The following FBN1 variants were observed in gnomAD, a reference collection of about 807,000 sequenced individuals.
The protein encoded by FBN1 is fibrillin 1, also known as fibrillin-1.
FBN1 carries 29 observed loss-of-function variants against 365.1 expected under a neutral mutation model. The observed-to-expected ratio is 0.08, with a 90% CI of 0.06 to 0.11. The LOEUF is 0.11. Among genes scored for constraint, FBN1 ranks in the 10% least tolerant of loss-of-function variants. The pLI is 1.00. For synonymous variants in FBN1, 1,210 were observed against 1,270.5 expected (o/e 0.95, Z 1.01); for missense variants, 2,476 against 3,703.2 (o/e 0.67, Z 8.60).
chr15:48,540,816 CT>C (rs1787248753), intron 6 of FBN1, among the ~76,000 whole-genome samples: 1 of 152,146 alleles, frequency 6.6e-6, no homozygotes, highest in Non-Finnish European at 1.5e-5. Context: ...TTCAGGTTAG[CT>C]TGCCATATTC....
intron 32 of FBN1, among the ~76,000 whole-genome samples, chr15:48,477,033 T>C (rs558158872): frequency 1.8e-4 from 27 of 152,266 alleles, no homozygotes; most frequent in Middle Eastern, 6.8e-3. Flanking sequence ...CTCACTAATA[T>C]CTTCTACTAA....
chr15:48,510,779 G>C (rs1159157813), intron 13 of FBN1, among the ~76,000 whole-genome samples: 1 of 151,554 alleles, frequency 6.6e-6, no homozygotes, highest in Non-Finnish European at 1.5e-5. Flanking sequence ...TTTTTCTATT[G>C]TGGTTAATAT....
intron 19 of FBN1, among the ~76,000 whole-genome samples, chr15:48,496,956 G>C (rs750762669): frequency 6.6e-5 from 10 of 152,174 alleles, no homozygotes; most frequent in Non-Finnish European, 1.3e-4. Context: ...AGTCACATGA[G>C]AATGGCTCAG....
At chr15:48,502,428 C>T (rs1305068611) in intron 17 of FBN1, among the ~76,000 whole-genome samples, 1 of 152,136 alleles carries the variant, frequency 6.6e-6, no homozygotes, top group Non-Finnish European at 1.5e-5. Context: ...CTTTCAAATA[C>T]TATCATTTTT....
intron 64 of FBN1, 92 bp downstream of exon 64, chr15:48,415,444 C>T: frequency 1.0e-6 from 1 of 990,366 alleles, no homozygotes; most frequent in Non-Finnish European, 1.6e-6. Context: ...CATGGTTCTC[C>T]TCTGCTAGGA....
intron 49 of FBN1, 149 bp downstream of exon 49, chr15:48,444,392 A>G: frequency 1.1e-6 from 1 of 905,062 alleles, no homozygotes; most frequent in Non-Finnish European, 1.8e-6. Context: ...TTGTCTTGCC[A>G]GAAGGATGAG....
intron 10 of FBN1, among the ~76,000 whole-genome samples, chr15:48,517,889 G>C (rs547838025): frequency 3.9e-5 from 6 of 152,204 alleles, no homozygotes; most frequent in African/African-American, 1.4e-4. Flanking sequence ...CTTATTTTCA[G>C]ACAGTAATAG....
At chr15:48,610,431 T>C (rs2044647599) in intron 4 of FBN1, among the ~76,000 whole-genome samples, 1 of 152,218 alleles carries the variant, frequency 6.6e-6, no homozygotes, top group Non-Finnish European at 1.5e-5. Context: ...GCACCTTTTA[T>C]GGTGTTTACA....
At chr15:48,613,587 G>A (rs2044673535) in intron 2 of FBN1, among the ~76,000 whole-genome samples, 1 of 151,988 alleles carries the variant, frequency 6.6e-6, no homozygotes, top group South Asian at 2.1e-4. Context: ...TCTGACATGA[G>A]TCAGAAAAAA....
chr15:48,537,211 C>T (rs73394232), intron 7 of FBN1, among the ~76,000 whole-genome samples: 2,201 of 152,224 alleles, frequency 0.014, 59 homozygotes, highest in African/African-American at 0.051. Context: ...CAATTAAGCA[C>T]AACCCATGAG....
At chr15:48,449,960 A>G (rs2043188133) in intron 45 of FBN1, among the ~76,000 whole-genome samples, 1 of 152,226 alleles carries the variant, frequency 6.6e-6, no homozygotes, top group Non-Finnish European at 1.5e-5. Context: ...TGTTATGGTT[A>G]TCTCCTATTT....
chr15:48,597,040 CT>C (rs1255219050), intron 5 of FBN1, among the ~76,000 whole-genome samples: 1 of 152,186 alleles, frequency 6.6e-6, no homozygotes, highest in Non-Finnish European at 1.5e-5. Context: ...TGCATGGGCT[CT>C]TTCTAGGCAT....
At chr15:48,633,845 C>G (rs564176262) in intron 2 of FBN1, among the ~76,000 whole-genome samples, 1 of 152,306 alleles carries the variant, frequency 6.6e-6, no homozygotes, top group African/African-American at 2.4e-5. Flanking sequence ...AACAACGCGC[C>G]TCTTAGGTCA....
intron 13 of FBN1, 35 bp downstream of exon 13, chr15:48,513,514 T>C (rs754203426): frequency 1.9e-6 from 3 of 1,613,710 alleles, no homozygotes; most frequent in Non-Finnish European, 2.5e-6. Context: ...TTAGCATATA[T>C]GTCCCACATT....
Position 48,410,299 on chromosome 15 carries a change from CT to C in FBN1, c.*690del, listed in dbSNP as rs2042850152. 6.5e-6 allele frequency: 1 copy of C among 152,678 alleles called. No individual in the cohort carries two copies. Among genetic ancestry groups the C allele is most frequent in the Admixed American group, 6.6e-5 (1 of 15,266 alleles). 9.5% of individuals were successfully genotyped at this position (152,678 alleles called of 1,614,324 possible). ...CACTTGGTGTATACATTTAACAAGT[CT>C]TTGGTCTTAATAAGCACCATTACAA... On this transcript the variant is annotated 3_prime_UTR_variant, in exon 66 of 66. Transcript: ENST00000316623.
intron 35 of FBN1, among the ~76,000 whole-genome samples, chr15:48,471,243 C>A (rs949786509): frequency 6.6e-6 from 1 of 152,108 alleles, no homozygotes; most frequent in Non-Finnish European, 1.5e-5. Flanking sequence ...ATTGGAAAAC[C>A]GCACACGCTT....
chr15:48,591,153 C>T (rs1299215768), intron 6 of FBN1, among the ~76,000 whole-genome samples: 1 of 152,190 alleles, frequency 6.6e-6, no homozygotes, highest in Non-Finnish European at 1.5e-5. Flanking sequence ...TTATGAACCA[C>T]ATGAGAAAAT....
At chr15:48,588,172 T>C (rs935369737) in intron 6 of FBN1, among the ~76,000 whole-genome samples, 2 of 152,206 alleles carry the variant, frequency 1.3e-5, no homozygotes, top group Non-Finnish European at 2.9e-5. Context: ...AATATATGCA[T>C]TGGATTTCAA....
At chr15:48,471,514 A>G (rs1299950439) in intron 35 of FBN1, among the ~76,000 whole-genome samples, 2 of 152,222 alleles carry the variant, frequency 1.3e-5, no homozygotes, top group African/African-American at 4.8e-5. Context: ...TAAACAAGGT[A>G]TTAGGCACAT....
Sources: gnomAD v4.1 joint callset for allele counts (sites outside exome capture counted in the v4.1 genomes callset) on GRCh38, gnomAD v4.1.1 for gene constraint, MANE v1.5 for transcripts, NCBI Gene and HGNC (gene_info 2026-07-23, HGNC 2026-07-21) for gene names.